HECW1: variants seen among roughly 807,000 people sequenced by gnomAD.
HECW1 encodes E3 ubiquitin-protein ligase HECW1.
A neutral mutation model predicts 182.3 loss-of-function variants in HECW1; 61 were observed. The ratio of observed to expected loss-of-function variants is 0.33; its 90% CI spans 0.27 to 0.41. The LOEUF (loss-of-function observed/expected upper bound fraction) is 0.41. Ranked by LOEUF, HECW1 falls within the 10% of genes least tolerant of loss-of-function variation. HECW1 has a pLI of 1.00. For synonymous variants in HECW1, 859 were observed against 832.6 expected, an observed-to-expected ratio of 1.03 and a Z score of -0.55; for missense variants, 1,739 against 2,108.9, an observed-to-expected ratio of 0.82 and a Z score of 3.44.
chr7:43,332,937 C>G (rs1278458245), intron 5 of HECW1, among the ~76,000 whole-genome samples: 7 of 152,110 alleles, frequency 4.6e-5, no homozygotes, highest in Non-Finnish European at 8.8e-5. Flanking sequence ...TTCAACCGGT[C>G]CCATAGTCAC....
At chr7:43,433,587 C>T (rs879895359) in intron 8 of HECW1, among the ~76,000 whole-genome samples, 2 of 152,226 alleles carry the variant, frequency 1.3e-5, no homozygotes, top group Non-Finnish European at 2.9e-5. Context: ...ATACCATATG[C>T]ATCATTCTTG....
At chr7:43,379,484 C>A (rs1306654937) in intron 6 of HECW1, among the ~76,000 whole-genome samples, 3 of 152,172 alleles carry the variant, frequency 2.0e-5, no homozygotes, top group African/African-American at 4.8e-5. Context: ...AGTCCACTGT[C>A]CTCTCCGCTC....
At position 43,311,754 on chromosome 7, in the gene HECW1, C is replaced by T; in HGVS notation, c.28-9C>T. On this transcript the variant is annotated splice_polypyrimidine_tract_variant and intron_variant, in intron 3 of 29. Coordinates refer to ENST00000395891, the MANE Select transcript of HECW1 (RefSeq NM_015052.5). ...CCTGACCCTGCTCACTGTCTCTTTG[C>T]TCCCACAGAATCTGTACCAGAACAG... The T allele has an allele frequency of 1.9e-6, 3 of 1,613,650 alleles. No individual in the cohort carries two copies. Among genetic ancestry groups the T allele is most frequent in the Non-Finnish European group, 2.5e-6 (3 of 1,179,732 alleles).
Position 43,445,587 on chromosome 7 carries a change from G to T in HECW1, c.2398+17G>T. On this transcript the variant is annotated intron_variant, in intron 11 of 29. Coordinates refer to ENST00000395891, the MANE Select transcript of HECW1 (RefSeq NM_015052.5). Reference sequence around the variant, plus strand: ...GGAGAGAAGGTTAGACCTCAAACCTGATCAGAGTGAGAATAGGACCATCAG... The same window carrying T: ...GGAGAGAAGGTTAGACCTCAAACCTTATCAGAGTGAGAATAGGACCATCAG... 6.5e-7 allele frequency: 1 copy of T among 1,541,950 alleles called. No homozygotes were observed. The highest frequency in any genetic ancestry group is 8.8e-7 in the Non-Finnish European group (1 of 1,139,702).
At chr7:43,226,624 C>T (rs193040273) in intron 2 of HECW1, among the ~76,000 whole-genome samples, 1 of 152,276 alleles carries the variant, frequency 6.6e-6, no homozygotes, top group Admixed American at 6.5e-5. Flanking sequence ...CGTTCCAGAT[C>T]CTTGACGAAG....
At chr7:43,446,015 T>A (rs1283966106) in intron 11 of HECW1, among the ~76,000 whole-genome samples, 1 of 152,182 alleles carries the variant, frequency 6.6e-6, no homozygotes, top group African/African-American at 2.4e-5. Flanking sequence ...GCAATAGATG[T>A]TAATATTAGT....
intron 2 of HECW1, among the ~76,000 whole-genome samples, chr7:43,233,553 C>T (rs572890571): frequency 4.7e-4 from 72 of 152,284 alleles, no homozygotes; most frequent in Non-Finnish European, 9.4e-4. Context: ...TCTCCTTCCC[C>T]CAAATAATAA....
At chr7:43,124,572 CTG>C (rs1786003194) in intron 2 of HECW1, among the ~76,000 whole-genome samples, 1 of 152,198 alleles carries the variant, frequency 6.6e-6, no homozygotes, top group Admixed American at 6.5e-5. Flanking sequence ...AAAGAGGAAC[CTG>C]TCTCTGAGCT....
At chr7:43,555,666 C>T (rs2081992633) in intron 29 of HECW1, among the ~76,000 whole-genome samples, 1 of 152,194 alleles carries the variant, frequency 6.6e-6, no homozygotes, top group Non-Finnish European at 1.5e-5. Context: ...ACCTAGGTTT[C>T]CCAGATTTTC....
chr7:43,556,314 T>C (rs12666661), intron 29 of HECW1, among the ~76,000 whole-genome samples: 76,658 of 152,002 alleles, frequency 0.5, 19,641 homozygotes, highest in Non-Finnish European at 0.56. Flanking sequence ...AAGGTGCAGC[T>C]GGCCAGTGCA....
intron 6 of HECW1, among the ~76,000 whole-genome samples, chr7:43,369,770 T>C (rs868068669): frequency 1.3e-5 from 2 of 152,190 alleles, no homozygotes; most frequent in African/African-American, 2.4e-5. Context: ...GGTCCAAATG[T>C]TGACTTCTCA....
intron 8 of HECW1, among the ~76,000 whole-genome samples, chr7:43,417,632 G>A (rs2076055033): frequency 6.6e-6 from 1 of 152,142 alleles, no homozygotes; most frequent in South Asian, 2.1e-4. Flanking sequence ...GGAGGCTGCG[G>A]TGGGAGTATC....
At chr7:43,393,325 G>C (rs979246605) in intron 6 of HECW1, among the ~76,000 whole-genome samples, 6 of 152,176 alleles carry the variant, frequency 3.9e-5, no homozygotes, top group Admixed American at 3.9e-4. Flanking sequence ...GCTCCAGGGT[G>C]AAACTATTTG....
intron 17 of HECW1, among the ~76,000 whole-genome samples, chr7:43,488,407 A>AG (rs2078759375): frequency 7.7e-6 from 1 of 130,400 alleles, no homozygotes; most frequent in Non-Finnish European, 1.6e-5. Flanking sequence ...AGGAAATGAA[A>AG]GAAAGAGAGA....
rs541016626 is a variant in HECW1 at position 43,407,608 on chromosome 7, C to A, written c.678C>A (p.Asp226Glu). 6.2e-7 allele frequency: 1 copy of A among 1,613,828 alleles called. No individual in the cohort carries two copies. The highest frequency in any genetic ancestry group is 1.7e-5 in the Admixed American group (1 of 60,018). The part of the protein sequence containing the change: ...GLKKGMFFNP[D>E]PYLKISIQPG... ...AGAAAGGGATGTTTTTCAACCCAGA[C>A]CCTTATCTGAAGATTTCCATTCAGC... is the stretch of plus-strand genomic sequence containing the variant. Residue 226 changes from aspartate to glutamate, a missense_variant, in exon 8 of 30, where the codon GAC becomes GAA. Asp to Glu is a conservative substitution (Grantham distance 45). Around this residue, in one of 5 missense-constraint regions of HECW1, gnomAD observed 279 missense variants for 353.1 expected, o/e 0.79. Transcript: ENST00000395891.
rs78167579 is a variant in HECW1, at chr7:43,484,783, T to G, written c.3234+5039T>G. Among the ~76,000 whole-genome samples the G allele has an allele frequency of 1.5e-4, 23 of 152,334 alleles. 1 individual carries two copies. The East Asian group carries it at 4.1e-3, about 27-fold the overall frequency. On this transcript the variant is annotated intron_variant, in intron 17 of 29. Coordinates refer to ENST00000395891, the MANE Select transcript of HECW1 (RefSeq NM_015052.5). ...GGATTTATACATAAAAAGATCGTTA[T>G]TTGACACTTTCACTTGCATTTTAAG...
intron 6 of HECW1, among the ~76,000 whole-genome samples, chr7:43,379,503 C>T (rs1274719468): frequency 6.6e-6 from 1 of 152,178 alleles, no homozygotes; most frequent in African/African-American, 2.4e-5. Context: ...TCAATCACTT[C>T]CATCCCATTA....
intron 7 of HECW1, 36 bp downstream of exon 7, chr7:43,396,925 T>C: frequency 2.0e-6 from 3 of 1,475,174 alleles, no homozygotes; most frequent in Non-Finnish European, 2.8e-6. Context: ...GTGGAGAGAC[T>C]AAGAATGTCA....
intron 8 of HECW1, among the ~76,000 whole-genome samples, chr7:43,424,710 T>C (rs187391858): frequency 4.0e-4 from 61 of 152,314 alleles, no homozygotes; most frequent in Non-Finnish European, 5.0e-4. Flanking sequence ...AATAGAGTTC[T>C]TGTGATATTG....
Sources: allele counts gnomAD v4.1 joint callset (sites outside exome capture counted in the v4.1 genomes callset), GRCh38; gene constraint gnomAD v4.1.1; regional missense constraint gnomAD v4.1.1; transcripts MANE v1.5; gene names NCBI Gene and HGNC (gene_info 2026-07-23, HGNC 2026-07-21).